The following FCN1 variants were observed in gnomAD, a reference collection of about 807,000 sequenced individuals.
FCN1 encodes ficolin 1.
Under a neutral mutation model 35.6 loss-of-function variants are expected in FCN1, and 42 were observed. That is an observed-to-expected ratio of 1.18 (90% confidence interval 0.92 to 1.53). FCN1 has a LOEUF of 1.53. Among genes scored for constraint, FCN1 ranks in the 40% most tolerant of loss-of-function variants. FCN1 has a pLI of 0.00. For missense variants in FCN1, 439 were observed against 428.4 expected (o/e 1.02, Z -0.22); for synonymous variants, 179 against 169.8 (o/e 1.05, Z -0.42).
chr9:134,911,092 C>T (rs1212162587), intron 8 of FCN1, 41 bp downstream of exon 8: 1 of 1,609,994 alleles, frequency 6.2e-7, no homozygotes, highest in Non-Finnish European at 8.5e-7. Context: ...TCTCTGCTTT[C>T]CAAGCCCCAC....
chr9:134,916,185 G>A (rs1331333443), intron 2 of FCN1, among the ~76,000 whole-genome samples, 163 bp downstream of exon 2: 1 of 152,226 alleles, frequency 6.6e-6, no homozygotes, highest in Non-Finnish European at 1.5e-5. Flanking sequence ...AACCCTGTTG[G>A]GCCCTGGGAG....
At chr9:134,915,422 A>G (rs1481228939) in intron 2 of FCN1, among the ~76,000 whole-genome samples, 1 of 152,144 alleles carries the variant, frequency 6.6e-6, no homozygotes, top group Non-Finnish European at 1.5e-5. Flanking sequence ...TTTAGGGTAT[A>G]TTAGCCAGCC....
intron 1 of FCN1, among the ~76,000 whole-genome samples, 199 bp downstream of exon 1, chr9:134,917,570 A>G (rs1354093560): frequency 1.3e-5 from 2 of 152,142 alleles, no homozygotes; most frequent in African/African-American, 4.8e-5. Context: ...ACCTGGTGAC[A>G]TCCCTCCCCT....
intron 1 of FCN1, 87 bp downstream of exon 1, chr9:134,917,682 A>G (rs1370219582): frequency 1.2e-6 from 1 of 812,954 alleles, no homozygotes. Context: ...GAAGATGTGC[A>G]TAAAAGGTTT....
chr9:134,904,314 T>C lies in FCN1; in HGVS notation c.*5484A>G, dbSNP rs1218426469. Among the ~76,000 whole-genome samples the C allele has an allele frequency of 6.6e-6, 1 of 152,212 alleles. No individual in the cohort carries two copies. Among genetic ancestry groups the C allele is most frequent in the Non-Finnish European group, 1.5e-5 (1 of 68,034 alleles). On this transcript the variant is annotated 3_prime_UTR_variant, in exon 9 of 9. Transcript: ENST00000371806. ...CAAGACTTTCAGCTAGCTTTTCAGC[T>C]GAAATAACTGAATCTGAAAATACTG... is the stretch of plus-strand genomic sequence containing the variant.
At position 134,905,686 on chromosome 9, in the gene FCN1, A is replaced by G. The variant is rs573123189; in HGVS notation, c.*4112T>C. Among the ~76,000 whole-genome samples, 70 of 151,394 alleles carry G rather than the reference A, an allele frequency of 4.6e-4. 1 individual carries two copies. The highest frequency in any genetic ancestry group is 1.2e-3 in the East Asian group (6 of 5,138). ...TTTTTAGTAGAGACGGGGTTTCATC[A>G]TGTTAGCCAGGATGGTCTTGATCTC... On this transcript the variant is annotated 3_prime_UTR_variant, in exon 9 of 9. Coordinates refer to ENST00000371806, the MANE Select transcript of FCN1 (RefSeq NM_002003.5).
intron 2 of FCN1, among the ~76,000 whole-genome samples, chr9:134,916,083 G>A (rs1262519910): frequency 2.0e-5 from 3 of 152,234 alleles, no homozygotes; most frequent in African/African-American, 7.2e-5. Flanking sequence ...AGCAAAGCTG[G>A]TATTGGATCA....
chr9:134,912,671 C>T (rs918472070), intron 6 of FCN1, 56 bp from the exon 7 acceptor site: 56 of 1,610,376 alleles, frequency 3.5e-5, no homozygotes, highest in South Asian at 3.2e-4. Flanking sequence ...CCCACAGCAC[C>T]GGGGACCCGC....
chr9:134,914,444 A>C lies in FCN1; in HGVS notation c.272-24T>G, dbSNP rs1406092645. ...TCCTGGAGGAAGAGGCAGGATAATG[A>C]GCTTTTGACCCCAGATGTGTGGGCC... On this transcript the variant is annotated intron_variant, in intron 3 of 8. Coordinates refer to ENST00000371806, the MANE Select transcript of FCN1 (RefSeq NM_002003.5). 22 of 1,611,892 alleles carry C rather than the reference A, an allele frequency of 1.4e-5. No homozygotes were observed. In the Admixed American group the frequency reaches 3.7e-4, roughly 27 times the overall value.
At position 134,917,873 on chromosome 9, in the gene FCN1, C is replaced by T. The variant is rs1470491236; in HGVS notation, c.-2G>A. 1 of 1,608,084 alleles carries T rather than the reference C, an allele frequency of 6.2e-7. No homozygotes were observed. The highest frequency in any genetic ancestry group is 1.7e-4 in the Middle Eastern group (1 of 6,048). On this transcript the variant is annotated 5_prime_UTR_variant, in exon 1 of 9. Transcript: ENST00000371806. ...CATGGTGGCTCCACTCAGCTCCATG[C>T]TCTCTGGCCTTTGACTCTGAAGAGT...
rs1223914125 is a variant in FCN1 at position 134,903,707 on chromosome 9, A to G, written c.*6091T>C. ...AACTAAGATTAAAAAGAAACAAAAA[A>G]CAGAAGATAAGATCTACAGGCCACT... On this transcript the variant is annotated 3_prime_UTR_variant, in exon 9 of 9. Transcript: ENST00000371806. Among the ~76,000 whole-genome samples the G allele has an allele frequency of 6.6e-6, 1 of 151,898 alleles. No individual in the cohort carries two copies. Among genetic ancestry groups the G allele is most frequent in the Non-Finnish European group, 1.5e-5 (1 of 67,962 alleles).
chr9:134,912,454 C>T (rs904108648), intron 7 of FCN1, 32 bp downstream of exon 7: 1 of 1,603,358 alleles, frequency 6.2e-7, no homozygotes, highest in Non-Finnish European at 8.5e-7. Context: ...CCTCAGGGCC[C>T]CCCAACCCCT....
In FCN1 at chr9:134,909,627, C is replaced by T; in HGVS notation, c.*171G>A. ...AAACATATTTAGAAACATAATTCTC[C>T]CTCTGGTGAGGTTGTGGGCATGTGG... On this transcript the variant is annotated 3_prime_UTR_variant, in exon 9 of 9. Coordinates refer to ENST00000371806, the MANE Select transcript of FCN1 (RefSeq NM_002003.5). The T allele has an allele frequency of 6.4e-7, 1 of 1,574,744 alleles. No individual in the cohort carries two copies. Among genetic ancestry groups the T allele is most frequent in the South Asian group, 1.1e-5 (1 of 88,610 alleles).
rs1381650349 is a variant in FCN1, at chr9:134,904,557, T to A, written c.*5241A>T. ...ACTTTGGGAGGCTGAGGCGGGTGGA[T>A]CACTTGAGGTCAGGAGTTCAAGAGC... On this transcript the variant is annotated 3_prime_UTR_variant, in exon 9 of 9. Transcript: ENST00000371806. 6.6e-6 allele frequency among the ~76,000 whole-genome samples: 1 copy of A among 152,240 alleles called. No homozygotes were observed. The highest frequency in any genetic ancestry group is 1.9e-4 in the East Asian group (1 of 5,172).
Position 134,912,867 on chromosome 9 carries a change from G to A in FCN1, c.468+149C>T, listed in dbSNP as rs1485927984. 2.2e-6 allele frequency: 3 copies of A among 1,381,094 alleles called. No individual in the cohort carries two copies. The African/African-American group carries it at 4.3e-5, about 20-fold the overall frequency. The allele number at this position is 1,381,094 out of a possible 1,614,324, so 85.6% of individuals were successfully genotyped here. On this transcript the variant is annotated intron_variant, in intron 6 of 8. Transcript: ENST00000371806. ...CCCCTCCCAGCCTCCCCGATGGCCT[G>A]GACTTTTACCCACGGGTCACTTCCC... is the stretch of plus-strand genomic sequence containing the variant.
rs4612438 is a variant in FCN1, at chr9:134,904,030, C to T, written c.*5768G>A. Among the ~76,000 whole-genome samples, 85,317 of 151,988 alleles carry T rather than the reference C, an allele frequency of 0.56. 26,386 individuals are homozygous for T. The highest frequency in any genetic ancestry group is 0.87 in the East Asian group (4,516 of 5,182). ...ACTAGAACAAGAGACATATGAGACA[C>T]GAGCAAACATTGGCCATTGGTGTAA... On this transcript the variant is annotated 3_prime_UTR_variant, in exon 9 of 9. Coordinates refer to ENST00000371806, the MANE Select transcript of FCN1 (RefSeq NM_002003.5).
chr9:134,912,147 T>G (rs1276461624), intron 7 of FCN1, among the ~76,000 whole-genome samples: 2 of 152,090 alleles, frequency 1.3e-5, no homozygotes, highest in Non-Finnish European at 2.9e-5. Flanking sequence ...TCCATGGGAC[T>G]AAGATGCCAG....
In FCN1 at chr9:134,905,821, CTTCT is replaced by C. The variant is rs1830940442; in HGVS notation, c.*3973_*3976del. 2 of 58,728 alleles carry C rather than the reference CTTCT, an allele frequency of 3.4e-5. No individual in the cohort carries two copies. The highest frequency in any genetic ancestry group is 3.7e-4 in the African/African-American group (2 of 5,354). 3.6% of individuals were successfully genotyped at this position (58,728 alleles called of 1,614,324 possible). ...TCTTCTTCTTCTTCCTCTTCTTCTTCTTCTTCCTCTTCCTCTTCCTCTTCCTCTT... is the reference window on the plus strand; with the variant it reads ...TCTTCTTCTTCTTCCTCTTCTTCTTCTCCTCTTCCTCTTCCTCTTCCTCTT... On this transcript the variant is annotated 3_prime_UTR_variant, in exon 9 of 9. Transcript: ENST00000371806.
In FCN1 at chr9:134,905,810, C is replaced by CTCTTCTTCTTCTTCTTCT. The variant is rs1186494371; in HGVS notation, c.*3987_*3988insAGAAGAAGAAGAAGAAGA. The stretch of plus-strand genomic sequence containing the variant: ...CTGCTGCTGCTTCTTCTTCTTCTTC[C>CTCTTCTTCTTCTTCTTCT]TCTTCTTCTTCTTCTTCCTCTTCCT... On this transcript the variant is annotated 3_prime_UTR_variant, in exon 9 of 9. Coordinates refer to ENST00000371806, the MANE Select transcript of FCN1 (RefSeq NM_002003.5). The CTCTTCTTCTTCTTCTTCT allele has an allele frequency of 7.4e-5, 4 of 53,848 alleles. 1 individual carries two copies. The highest frequency in any genetic ancestry group is 3.7e-4 in the African/African-American group (2 of 5,466). 3.3% of individuals were successfully genotyped at this position (53,848 alleles called of 1,614,324 possible).
Sources: gnomAD v4.1 joint callset for allele counts (sites outside exome capture counted in the v4.1 genomes callset) on GRCh38, gnomAD v4.1.1 for gene constraint, MANE v1.5 for transcripts, NCBI Gene and HGNC (gene_info 2026-07-23, HGNC 2026-07-21) for gene names.